The following TRIM65 variants were observed in gnomAD, a reference collection of about 807,000 sequenced individuals.
TRIM65 encodes E3 ubiquitin-protein ligase TRIM65.
TRIM65 carries 46 observed loss-of-function variants against 36.1 expected under a neutral mutation model. The ratio of observed to expected loss-of-function variants is 1.27; its 90% confidence interval spans 1.01 to 1.63. TRIM65 has a LOEUF of 1.63. TRIM65 is among the 40% of genes most tolerant of loss of function. The pLI is 0.00. For synonymous variants in TRIM65, 346 were observed against 313.6 expected, an observed-to-expected ratio of 1.10 and a Z score of -1.09; for missense variants, 708 against 696.6, an observed-to-expected ratio of 1.02 and a Z score of -0.18.
chr17:75,882,314 T>C (rs1280946410), intron 4 of TRIM65, among the ~76,000 whole-genome samples: 1 of 150,498 alleles, frequency 6.6e-6, no homozygotes, highest in Non-Finnish European at 1.5e-5. Context: ...TTCAAGCGAT[T>C]CTCCTGCTTC....
At position 75,890,384 on chromosome 17, in the gene TRIM65, A is replaced by C; in HGVS notation, c.*395T>G. ...AGGGAGGAATCTGTCTCCCCCTGGG[A>C]CTACTCTGGCTCACCGCCCCTCCCT... On this transcript the variant is annotated 3_prime_UTR_variant, in exon 6 of 6. Coordinates refer to ENST00000269383, the MANE Select transcript of TRIM65 (RefSeq NM_173547.4). The C allele has an allele frequency of 6.1e-6, 1 of 163,820 alleles. No individual in the cohort carries two copies. Among genetic ancestry groups the C allele is most frequent in the Non-Finnish European group, 1.3e-5 (1 of 76,342 alleles). 10.1% of individuals were successfully genotyped at this position (163,820 alleles called of 1,614,324 possible).
intron 4 of TRIM65, among the ~76,000 whole-genome samples, chr17:75,883,346 A>G (rs2065181033): frequency 6.6e-6 from 1 of 151,912 alleles, no homozygotes; most frequent in Non-Finnish European, 1.5e-5. Flanking sequence ...TGAACTCCTG[A>G]CCACAGGTGA....
At chr17:75,896,469 C>A in intron 1 of TRIM65, 55 bp downstream of exon 1, 1 of 1,285,438 alleles carries the variant, frequency 7.8e-7, no homozygotes, top group Non-Finnish European at 9.9e-7. Context: ...AGTCACCCGG[C>A]GGTGGCCAGG....
At chr17:75,888,360 AAAAAG>A (rs200754641), downstream of TRIM65, among the ~76,000 whole-genome samples, 898 of 148,384 alleles carry the variant, frequency 6.1e-3, 10 homozygotes, top group African/African-American at 0.021. Context: ...CTCAAAAAAA[AAAAAG>A]AAAGAAAGAA....
downstream of TRIM65, among the ~76,000 whole-genome samples, chr17:75,886,661 G>A (rs1188484824): frequency 2.0e-5 from 3 of 151,876 alleles, no homozygotes; most frequent in Admixed American, 6.6e-5. Context: ...CAGCTGGCCT[G>A]TGAGGTCCCT....
chr17:75,896,200 C>T lies in TRIM65; in HGVS notation c.414+324G>A, dbSNP rs537803279. On this transcript the variant is annotated intron_variant, in intron 1 of 5. Coordinates refer to ENST00000269383, the MANE Select transcript of TRIM65 (RefSeq NM_173547.4). Reference sequence around the variant, plus strand: ...CCTCCCGAGTAGATGGGACTACAGGCGCCCGCCACCACGCCCGGCTAACTT... The same window carrying T: ...CCTCCCGAGTAGATGGGACTACAGGTGCCCGCCACCACGCCCGGCTAACTT... Among the ~76,000 whole-genome samples, 65 of 152,324 alleles carry T rather than the reference C, an allele frequency of 4.3e-4. 2 individuals are homozygous for T. In the South Asian group the frequency reaches 0.011, roughly 25 times the overall value.
At position 75,896,916 on chromosome 17, in the gene TRIM65, C is replaced by T. The variant is rs764972499; in HGVS notation, c.22G>A (p.Glu8Lys). 6.6e-7 allele frequency: 1 copy of T among 1,506,652 alleles called. No individual in the cohort carries two copies. Among genetic ancestry groups the T allele is most frequent in the Non-Finnish European group, 8.8e-7 (1 of 1,132,458 alleles). The allele number at this position is 1,506,652 out of a possible 1,614,324, so 93.3% of individuals were successfully genotyped here. ...AGGCAGATGGCGCAGGTCAGCTTCT[C>T]CTCCAGCAGCTGCGCGGCCATGGCC... Reference protein sequence around the residue: MAAQLLEEKLTCAICLGL... With the variant: MAAQLLEKKLTCAICLGL... Residue 8 changes from glutamate (E) to lysine (K), a missense_variant, in exon 1 of 6, where the codon GAG becomes AAG. Physicochemically the swap from Glu to Lys is moderately conservative, Grantham distance 56. Coordinates refer to ENST00000269383, the MANE Select transcript of TRIM65 (RefSeq NM_173547.4).
rs1449000800 is a variant in TRIM65 at position 75,890,893 on chromosome 17, G to A, written c.1440C>T (p.Leu480=). ...AGACGGGGGTGAGGGGCTGGTTGAAGAGGGCATGGAAGGTGTACAGGGGCT... is the reference window on the plus strand; with the variant it reads ...AGACGGGGGTGAGGGGCTGGTTGAAAAGGGCATGGAAGGTGTACAGGGGCT... The part of the protein sequence containing the change: ...QTQPLYTFHA[L]FNQPLTPVFW... The change falls in exon 6 of 6, where the codon CTC becomes CTT. Residue 480 remains leucine, a synonymous_variant. Transcript: ENST00000269383. The A allele has an allele frequency of 3.9e-6, 6 of 1,533,938 alleles. No homozygotes were observed. The East Asian group carries it at 9.7e-5, about 25-fold the overall frequency.
At position 75,889,819 on chromosome 17, in the gene TRIM65, G is replaced by GTAT. The variant is rs1293209651; in HGVS notation, c.*959_*960insATA. 6.6e-6 allele frequency: 1 copy of GTAT among 152,184 alleles called. No homozygotes were observed. The highest frequency in any genetic ancestry group is 1.9e-4 in the East Asian group (1 of 5,196). The allele number at this position is 152,184 out of a possible 1,614,324, so 9.4% of individuals were successfully genotyped here. ...ATATTCATCATAAGCCAGGCGTGGTGGCATACACCTGTAATCCCAGCTACT... is the reference window on the plus strand; with the variant it reads ...ATATTCATCATAAGCCAGGCGTGGTGTATGCATACACCTGTAATCCCAGCTACT... On this transcript the variant is annotated 3_prime_UTR_variant, in exon 6 of 6. Transcript: ENST00000269383.
In TRIM65 at chr17:75,896,741, A is replaced by T. The variant is rs761079116; in HGVS notation, c.197T>A (p.Leu66His). 9 of 1,471,478 alleles carry T rather than the reference A, an allele frequency of 6.1e-6. No individual in the cohort carries two copies. The African/African-American group carries it at 1.3e-4, about 22-fold the overall frequency. The allele number at this position is 1,471,478 out of a possible 1,614,324, so 91.2% of individuals were successfully genotyped here. A position where few individuals can be genotyped will look rare whatever the true frequency, so the allele number is the denominator to read the frequency against. The change falls in exon 1 of 6, where the codon CTC (leucine) becomes CAC (histidine). Residue 66 changes from leucine (L) to histidine (H), a missense_variant. Coordinates refer to ENST00000269383, the MANE Select transcript of TRIM65 (RefSeq NM_173547.4). ...DGAELRRNVA[L>H]SGVLEVVRAG... ...GCGCACCACCTCCAGCACGCCGCTGAGGGCCACGTTGCGGCGCAGCTCGGC... is the reference window on the plus strand; with the variant it reads ...GCGCACCACCTCCAGCACGCCGCTGTGGGCCACGTTGCGGCGCAGCTCGGC...
At chr17:75,895,049 G>A (rs1443876044) in intron 1 of TRIM65, among the ~76,000 whole-genome samples, 5 of 152,180 alleles carry the variant, frequency 3.3e-5, no homozygotes, top group East Asian at 1.9e-4. Flanking sequence ...ACTGGCCACT[G>A]TGACCTCTAT....
In TRIM65 at chr17:75,891,842, A is replaced by G. The variant is rs1341277909; in HGVS notation, c.956T>C (p.Val319Ala). 6.2e-7 allele frequency: 1 copy of G among 1,612,878 alleles called. No individual in the cohort carries two copies. Among genetic ancestry groups the G allele is most frequent in the South Asian group, 1.1e-5 (1 of 90,808 alleles). Residue 319 changes from valine (V) to alanine (A), a missense_variant, in exon 5 of 6, where the codon GTT becomes GCT. By Grantham distance (64) the Val-to-Ala change is moderately conservative. Transcript: ENST00000269383. ...CCAGAGTTTCCTCCTCAGTGGACAA[A>G]CTGTGCTTGGGACCGGTGCCAGGGG... The part of the protein sequence containing the change: ...PGPLAPVPST[V>A]CPLRRKLWQN...
At chr17:75,880,758 A>T (rs2065164076) in intron 4 of TRIM65, 1 of 150,072 alleles carries the variant, frequency 6.7e-6, no homozygotes, top group Admixed American at 6.6e-5. Flanking sequence ...CCTAAACCTC[A>T]GCACACACTG....
exon 5 of TRIM65, chr17:75,880,421 G>A (rs1296922760): frequency 1.3e-5 from 2 of 148,650 alleles, no homozygotes; most frequent in Non-Finnish European, 2.9e-5. Context: ...GCCTCCCAAA[G>A]TGCTAGGATT....
At chr17:75,893,433 GA>G (rs2065301663) in intron 1 of TRIM65, among the ~76,000 whole-genome samples, 1 of 152,156 alleles carries the variant, frequency 6.6e-6, no homozygotes, top group Admixed American at 6.5e-5. Context: ...TTGAGACTGA[GA>G]GGGGAGGAAG....
Position 75,892,118 on chromosome 17 carries a change from T to C in TRIM65, c.812A>G (p.Gln271Arg). ...CAACTGCTTCAGGTCACCCAGCTGT[T>C]GGTCTTCATCCCACTGCAGAGGGGT... ...PLTPLQWDED[Q>R]QLGDLKQLLS... is the part of the protein sequence containing the mutation. Residue 271 changes from glutamine to arginine, a missense_variant, in exon 4 of 6, where the codon CAA becomes CGA. Coordinates refer to ENST00000269383, the MANE Select transcript of TRIM65 (RefSeq NM_173547.4). 6.4e-7 allele frequency: 1 copy of C among 1,561,878 alleles called. No individual in the cohort carries two copies. The highest frequency in any genetic ancestry group is 8.7e-7 in the Non-Finnish European group (1 of 1,152,634).
At position 75,890,556 on chromosome 17, in the gene TRIM65, T is replaced by C; in HGVS notation, c.*223A>G. 1 of 469,458 alleles carries C rather than the reference T, an allele frequency of 2.1e-6. No individual in the cohort carries two copies. Among genetic ancestry groups the C allele is most frequent in the East Asian group, 3.6e-5 (1 of 27,722 alleles). The allele number at this position is 469,458 out of a possible 1,614,324, so 29.1% of individuals were successfully genotyped here. On this transcript the variant is annotated 3_prime_UTR_variant, in exon 6 of 6. Transcript: ENST00000269383. ...ACAGTACCTAGAACTGGGTTCTCTC[T>C]GGGGCAAGGGCATCCCATTTATCCC...
chr17:75,891,355 G>C lies in TRIM65; in HGVS notation c.986-8C>G, dbSNP rs746791657. ...AGGTCAGATTGCGATAATCTGTTGG[G>C]GAAAGGAGGACAGCAGTGGGCTGGG... On this transcript the variant is annotated splice_region_variant and splice_polypyrimidine_tract_variant and intron_variant, in intron 5 of 5. Coordinates refer to ENST00000269383, the MANE Select transcript of TRIM65 (RefSeq NM_173547.4). 1 of 1,613,210 alleles carries C rather than the reference G, an allele frequency of 6.2e-7. No individual in the cohort carries two copies. The highest frequency in any genetic ancestry group is 1.1e-5 in the South Asian group (1 of 91,058).
In TRIM65 at chr17:75,883,226, C is replaced by T. The variant is rs567088955; in HGVS notation, c.350-2597G>A. On this transcript the variant is annotated intron_variant, in intron 4 of 4. Coordinates refer to the TRIM65 transcript ENST00000591668. ...CCGCCTCCTGGGTTCAAGCCATCCT[C>T]GTGCCTCAGCCTCCAGAGCAGCTGG... 6.0e-5 allele frequency among the ~76,000 whole-genome samples: 9 copies of T among 148,926 alleles called. No individual in the cohort carries two copies. The South Asian group carries it at 1.0e-3, about 17-fold the overall frequency.
Sources: gnomAD v4.1 joint callset for allele counts (sites outside exome capture counted in the v4.1 genomes callset) on GRCh38, gnomAD v4.1.1 for gene constraint, MANE v1.5 for transcripts, NCBI Gene and HGNC (gene_info 2026-07-23, HGNC 2026-07-21) for gene names.